PDE4DIP: variants seen among roughly 807,000 people sequenced by gnomAD.
PDE4DIP encodes phosphodiesterase 4D interacting protein, also known as myomegalin.
A neutral mutation model predicts 221.4 loss-of-function variants in PDE4DIP; 59 were observed. The ratio of observed to expected loss-of-function variants is 0.27; its 90% CI spans 0.22 to 0.33. PDE4DIP has a LOEUF of 0.33. Ranked by LOEUF, PDE4DIP falls within the 10% of genes least tolerant of loss-of-function variation. The pLI is 1.00. For synonymous variants in PDE4DIP, 404 were observed against 815.9 expected (o/e 0.50, Z 8.60); for missense variants, 1,036 against 2,154.2 (o/e 0.48, Z 10.28).
At chr1:148,823,997 GC>G (rs1181498096) in intron 1 of PDE4DIP, among the ~76,000 whole-genome samples, 4,093 of 147,898 alleles carry the variant, frequency 0.028, 196 homozygotes, top group Non-Finnish European at 0.044. Context: ...GAATGGGAGA[GC>G]TGGGTCTCTA....
chr1:149,009,525 C>T (rs781811051), intron 29 of PDE4DIP, 43 bp from the exon 33 acceptor site: 27 of 1,362,424 alleles, frequency 2.0e-5, no homozygotes, highest in Non-Finnish European at 2.6e-5. Context: ...AGGTTGGCTT[C>T]GGTGACCTTG....
At chr1:148,888,976 G>A (rs1778603), upstream of PDE4DIP, among the ~76,000 whole-genome samples, 221 of 130,622 alleles carry the variant, frequency 1.7e-3, no homozygotes, top group East Asian at 8.8e-3. Flanking sequence ...GGTGTGTTTC[G>A]GGGGAAGGCT....
intron 14 of PDE4DIP, among the ~76,000 whole-genome samples, chr1:148,970,756 T>G: frequency 6.6e-6 from 1 of 151,692 alleles, no homozygotes; most frequent in East Asian, 1.9e-4. Context: ...ACAGTATATA[T>G]CTTGTATATT....
At chr1:148,929,773 A>G (rs2047445517) in intron 2 of PDE4DIP, 1 of 154,172 alleles carries the variant, frequency 6.5e-6, no homozygotes. Context: ...TCTGTTTCTT[A>G]TAAATAAAAG....
chr1:148,953,121 C>T (rs1347659309), intron 5 of PDE4DIP: 3 of 1,613,980 alleles, frequency 1.9e-6, no homozygotes, highest in Non-Finnish European at 2.5e-6. Context: ...GGGAATGGGA[C>T]GGTTGACATG....
intron 4 of PDE4DIP, among the ~76,000 whole-genome samples, chr1:148,933,949 A>T (rs1332167177): frequency 6.7e-6 from 1 of 148,782 alleles, no homozygotes; most frequent in African/African-American, 2.5e-5. Context: ...CCCATGAGAT[A>T]TGAATTATTA....
intron 37 of PDE4DIP, 199 bp downstream of exon 40, chr1:149,021,352 C>T (rs1217876729): frequency 1.4e-4 from 77 of 558,104 alleles, no homozygotes; most frequent in Middle Eastern, 5.0e-4. Context: ...GAGCAAGATC[C>T]GGCCTGATCA....
intron 1 of PDE4DIP, among the ~76,000 whole-genome samples, chr1:148,862,334 G>A (rs1387192385): frequency 2.0e-5 from 3 of 148,968 alleles, no homozygotes; most frequent in African/African-American, 7.4e-5. Context: ...CACTTGTCAA[G>A]CATGGGCTTG....
intron 30 of PDE4DIP, among the ~76,000 whole-genome samples, 181 bp downstream of exon 33, chr1:149,009,972 T>G (rs1241607177): frequency 6.6e-6 from 1 of 152,204 alleles, no homozygotes; most frequent in Admixed American, 6.5e-5. Context: ...AAGTTACCTC[T>G]GTCACCGTGG....
chr1:149,016,270 G>A (rs781878431), intron 32 of PDE4DIP, 29 bp from the exon 36 acceptor site: 3 of 1,611,934 alleles, frequency 1.9e-6, no homozygotes, highest in African/African-American at 2.7e-5. Flanking sequence ...CACCCCATTT[G>A]CTTCTTACTA....
In PDE4DIP at chr1:148,955,563, G is replaced by T. The variant is rs587769109; in HGVS notation, c.637-5091G>T. ...AGCCCATGCAGAGACAAAGATTTCTGACCATTCTCAGGCAAGACACTTTAA... is the reference window on the plus strand; with the variant it reads ...AGCCCATGCAGAGACAAAGATTTCTTACCATTCTCAGGCAAGACACTTTAA... On this transcript the variant is annotated intron_variant, in intron 5 of 43. Coordinates refer to ENST00000369354, the Ensembl canonical transcript of PDE4DIP. 9.3e-4 allele frequency among the ~76,000 whole-genome samples: 141 copies of T among 152,012 alleles called. 1 individual carries two copies. The highest frequency in any genetic ancestry group is 1.5e-3 in the Non-Finnish European group (101 of 67,898).
intron 21 of PDE4DIP, chr1:148,985,782 T>C: frequency 6.6e-6 from 1 of 152,278 alleles, no homozygotes; most frequent in South Asian, 2.1e-4. Context: ...TTACTAAAAC[T>C]GGAAGGGTAA....
rs1305118245 is a variant in PDE4DIP at position 148,992,143 on chromosome 1, C to A, written c.2904+170C>A. ...TGAACTTCCCAGCTGCCTTTCCAAC[C>A]CATATCTTCACTCCATTTTTCTCTC... On this transcript the variant is annotated intron_variant, in intron 22 of 43. Coordinates refer to ENST00000369354, the Ensembl canonical transcript of PDE4DIP. The A allele has an allele frequency of 1.3e-4, 100 of 797,548 alleles. 1 individual carries two copies. The highest frequency in any genetic ancestry group is 2.0e-4 in the Non-Finnish European group (94 of 467,790). The allele number at this position is 797,548 out of a possible 1,614,324, so 49.4% of individuals were successfully genotyped here.
chr1:148,941,430 A>C (rs1272084447), intron 5 of PDE4DIP, among the ~76,000 whole-genome samples: 1 of 132,514 alleles, frequency 7.5e-6, no homozygotes, highest in Non-Finnish European at 1.6e-5. Context: ...AGTACCATAA[A>C]TGTTGAGCTA....
intron 31 of PDE4DIP, 38 bp downstream of exon 34, chr1:149,010,633 C>G: frequency 6.2e-7 from 1 of 1,603,744 alleles, no homozygotes. Flanking sequence ...TTCATCTCCT[C>G]TTTCTCTGCT....
intron 1 of PDE4DIP, among the ~76,000 whole-genome samples, chr1:148,911,935 C>A (rs1466932990): frequency 6.7e-6 from 1 of 149,146 alleles, no homozygotes; most frequent in Non-Finnish European, 1.5e-5. Context: ...TTAATATAAT[C>A]ACAGGAGTGA....
chr1:149,028,955 G>A (rs1348695495), intron 41 of PDE4DIP, among the ~76,000 whole-genome samples: 4 of 152,058 alleles, frequency 2.6e-5, no homozygotes, highest in Admixed American at 6.6e-5. Flanking sequence ...AAGATGAAGG[G>A]GTGTGAAGAA....
intron 43 of PDE4DIP, chr1:149,031,101 C>CT (rs149112816): frequency 1.4e-4 from 57 of 397,382 alleles, no homozygotes; most frequent in South Asian, 2.2e-4. Flanking sequence ...TTAACTTGCT[C>CT]TTTTTTTTAT....
rs781918262 is a variant in PDE4DIP at position 148,929,233 on chromosome 1, C to T, written c.178C>T (p.Arg60Ter). ...GAAGGTTGAAGTGGAGAGCTTGAAA[C>T]GAGAACTCCAGGACAAGAAACAGCA... Residue 60 changes from arginine to a stop codon, truncating the protein, a stop_gained, in exon 2 of 44, where the codon CGA (arginine) becomes TGA (stop). Transcript: ENST00000369354. LOFTEE classifies it high-confidence loss of function. 6.2e-6 allele frequency: 10 copies of T among 1,613,436 alleles called. No homozygotes were observed. The highest frequency in any genetic ancestry group is 2.2e-5 in the East Asian group (1 of 44,850).
Sources: gnomAD v4.1 joint callset for allele counts (sites outside exome capture counted in the v4.1 genomes callset) on GRCh38, gnomAD v4.1.1 for gene constraint, MANE v1.5 for transcripts, NCBI Gene and HGNC (gene_info 2026-07-23, HGNC 2026-07-21) for gene names.